ZNF462: variants seen among roughly 807,000 people sequenced by gnomAD.
ZNF462 encodes the protein zinc finger protein 462, also known as zinc finger PBX1-interacting protein.
In ZNF462, 10 loss-of-function variants were observed where a neutral mutation model predicts 201.9. The observed-to-expected ratio is 0.05, with a 90% CI of 0.03 to 0.08. The LOEUF is 0.08. ZNF462 is among the 10% of genes least tolerant of loss of function. ZNF462 has a pLI of 1.00. For missense variants in ZNF462, 2,523 were observed against 3,168.3 expected (o/e 0.80, Z 4.89); for synonymous variants, 1,227 against 1,193.3 (o/e 1.03, Z -0.58).
In ZNF462 at chr9:106,864,072, CT is replaced by C. The variant is rs1827194752; in HGVS notation, c.-31+718del. Among the ~76,000 whole-genome samples, 17 of 125,328 alleles carry C rather than the reference CT, an allele frequency of 1.4e-4. No individual in the cohort carries two copies. The South Asian group carries it at 3.3e-3, about 24-fold the overall frequency. 82.2% of individuals were successfully genotyped at this position (125,328 alleles called of 152,430 possible). On this transcript the variant is annotated intron_variant, in intron 1 of 12. Transcript: ENST00000277225. ...TCTCTCTCTCTCTCTCTCTCTCTCT[CT>C]CTCTCTCTCTCTCTCTCTCTCTCTC... is the stretch of plus-strand genomic sequence containing the variant.
At chr9:106,941,581 C>T (rs763297704) in intron 7 of ZNF462, among the ~76,000 whole-genome samples, 19 of 152,074 alleles carry the variant, frequency 1.2e-4, no homozygotes, top group Non-Finnish European at 2.4e-4. Context: ...TTTAGTGATC[C>T]GTACACAAAA....
At chr9:106,912,221 A>G (rs1423552124) in intron 1 of ZNF462, among the ~76,000 whole-genome samples, 1 of 151,268 alleles carries the variant, frequency 6.6e-6, no homozygotes, top group Non-Finnish European at 1.5e-5. Flanking sequence ...TTTGGCAGGC[A>G]TAAAGCTACT....
At chr9:106,893,555 C>G (rs1395325639) in intron 1 of ZNF462, among the ~76,000 whole-genome samples, 1 of 152,084 alleles carries the variant, frequency 6.6e-6, no homozygotes, top group Non-Finnish European at 1.5e-5. Context: ...ATAATTGTTT[C>G]CATTTGTCTT....
upstream of ZNF462, chr9:106,863,074 A>C (rs1827125631): frequency 2.6e-6 from 1 of 384,662 alleles, no homozygotes; most frequent in East Asian, 3.7e-5. Context: ...AAGAGGAGAG[A>C]GAGGGGAGAG....
At position 106,926,995 on chromosome 9, in the gene ZNF462, T is replaced by C; in HGVS notation, c.3083T>C (p.Val1028Ala). 3.7e-6 allele frequency: 6 copies of C among 1,614,180 alleles called. No homozygotes were observed. Among genetic ancestry groups the C allele is most frequent in the Non-Finnish European group, 5.1e-6 (6 of 1,180,028 alleles). ...AAGGACCCTTTGGTCAACACTGTTG[T>C]TGTTTATGATTGTGATGTTTGTTCG... Reference protein sequence around the residue: ...NQKDPLVNTVVVYDCDVCSFA... With the variant: ...NQKDPLVNTVAVYDCDVCSFA... Residue 1028 changes from valine to alanine, a missense_variant, in exon 3 of 13, where the codon GTT becomes GCT. Coordinates refer to ENST00000277225, the MANE Select transcript of ZNF462 (RefSeq NM_021224.6). This position sits in a 1 kb window ranked among gnomAD's most constrained non-coding sequence, Gnocchi z 7.9.
chr9:106,912,549 G>A lies in ZNF462; in HGVS notation c.-30-10805G>A, dbSNP rs180790106. 5.9e-5 allele frequency among the ~76,000 whole-genome samples: 9 copies of A among 152,322 alleles called. No homozygotes were observed. The East Asian group carries it at 1.5e-3, about 26-fold the overall frequency. On this transcript the variant is annotated intron_variant, in intron 1 of 12. Transcript: ENST00000277225. ...GGCATGGACCTTAAGTGTGAATACT[G>A]TTGAACAACTGACACGTATGGAATG...
At chr9:106,863,420 G>C (rs942149509) in intron 1 of ZNF462, 65 bp downstream of exon 1, 4 of 389,930 alleles carry the variant, frequency 1.0e-5, no homozygotes, top group African/African-American at 8.3e-5. Context: ...AGAGCGCGGG[G>C]TGGTGGAGGC....
intron 1 of ZNF462, among the ~76,000 whole-genome samples, chr9:106,911,170 G>A (rs1417651345): frequency 6.6e-6 from 1 of 152,156 alleles, no homozygotes. Flanking sequence ...TTCAAGACCA[G>A]TAATTGTCTT....
chr9:106,877,737 C>T (rs1302049878), intron 1 of ZNF462, among the ~76,000 whole-genome samples: 1 of 152,158 alleles, frequency 6.6e-6, no homozygotes, highest in East Asian at 1.9e-4. Flanking sequence ...CTAACTTTGT[C>T]CAGAGCTATT....
intron 1 of ZNF462, among the ~76,000 whole-genome samples, chr9:106,875,081 G>A (rs895759106): frequency 2.0e-5 from 3 of 152,154 alleles, no homozygotes; most frequent in African/African-American, 7.2e-5. Flanking sequence ...CCCCAGCATA[G>A]GTAAGTGTTA....
chr9:106,867,511 A>G (rs1433668197), intron 1 of ZNF462, among the ~76,000 whole-genome samples: 1 of 151,986 alleles, frequency 6.6e-6, no homozygotes, highest in African/African-American at 2.4e-5. Context: ...TAATTCATTG[A>G]CCATATTCCC....
intron 7 of ZNF462, among the ~76,000 whole-genome samples, chr9:106,947,775 G>GA (rs1831174221): frequency 6.6e-6 from 1 of 152,100 alleles, no homozygotes; most frequent in Admixed American, 6.6e-5. Context: ...CTGTGCCCTT[G>GA]AACTTTGTGC....
At chr9:106,910,362 G>GTTTTTTTTTTTTTT (rs1011376719) in intron 1 of ZNF462, among the ~76,000 whole-genome samples, 2 of 64,806 alleles carry the variant, frequency 3.1e-5, no homozygotes, top group African/African-American at 1.2e-4. Flanking sequence ...CCTTGTTTTA[G>GTTTTTTTTTTTTTT]TTTTTTTTTT....
rs773188384 is a variant in ZNF462 at position 106,933,112 on chromosome 9, T to G, written c.6116+563T>G. On this transcript the variant is annotated intron_variant, in intron 5 of 12. Coordinates refer to ENST00000277225, the MANE Select transcript of ZNF462 (RefSeq NM_021224.6). This position sits in a 1 kb window ranked among gnomAD's most constrained non-coding sequence, Gnocchi z 4.3. ...TAAATATGGAATAGGTGTGTAAGGC[T>G]TTTTGGGGCCATGGAAAGAGGGGTG... 2 of 157,782 alleles carry G rather than the reference T, an allele frequency of 1.3e-5. No individual in the cohort carries two copies. Among genetic ancestry groups the G allele is most frequent in the Non-Finnish European group, 2.8e-5 (2 of 71,092 alleles). 9.8% of individuals were successfully genotyped at this position (157,782 alleles called of 1,614,324 possible). A position where few individuals can be genotyped will look rare whatever the true frequency, so the allele number is the denominator to read the frequency against.
chr9:106,864,050 C>G (rs1380465708), intron 1 of ZNF462, among the ~76,000 whole-genome samples: 2 of 48,548 alleles, frequency 4.1e-5, no homozygotes, highest in East Asian at 5.1e-4. Flanking sequence ...CTCTCTCTCT[C>G]TCTCTCTCTC....
chr9:106,924,620 G>C lies in ZNF462; in HGVS notation c.708G>C (p.Leu236Phe). The C allele has an allele frequency of 6.2e-7, 1 of 1,614,134 alleles. No homozygotes were observed. Residue 236 changes from leucine to phenylalanine, a missense_variant, in exon 3 of 13, where the codon TTG (leucine) becomes TTC (phenylalanine). Around this residue, in one of 15 missense-constraint regions of ZNF462, gnomAD observed 480 missense variants for 544.4 expected, o/e 0.88. Transcript: ENST00000277225. The surrounding 1 kb of genome is among the most constrained non-coding windows in gnomAD (Gnocchi z 6.2). Reference protein sequence around the residue: ...RSILESMVKPLTKSRGNFCCE... With the variant: ...RSILESMVKPFTKSRGNFCCE... ...TCTTAGAGTCTATGGTCAAGCCTTT[G>C]ACCAAATCTCGAGGCAACTTTTGTT...
In ZNF462 at chr9:106,933,994, G is replaced by A. The variant is rs1830526120; in HGVS notation, c.6116+1445G>A. On this transcript the variant is annotated intron_variant, in intron 5 of 12. Transcript: ENST00000277225. The surrounding 1 kb of genome is among the most constrained non-coding windows in gnomAD (Gnocchi z 4.3). ...CCATATTTGGAGTTTTAAATGCCAG[G>A]AAATAGTATTTCATAATTTAAATTG... Among the ~76,000 whole-genome samples the A allele has an allele frequency of 6.6e-6, 1 of 152,138 alleles. No individual in the cohort carries two copies. Among genetic ancestry groups the A allele is most frequent in the African/African-American group, 2.4e-5 (1 of 41,420 alleles).
rs746412150 is a variant in ZNF462, at chr9:107,009,364, G to A, written c.7190-181G>A. The A allele has an allele frequency of 3.0e-5, 22 of 724,048 alleles. 1 individual carries two copies. In the South Asian group the frequency reaches 4.1e-4, roughly 13 times the overall value. 44.9% of individuals were successfully genotyped at this position (724,048 alleles called of 1,614,324 possible). A position where few individuals can be genotyped will look rare whatever the true frequency, so the allele number is the denominator to read the frequency against. The stretch of plus-strand genomic sequence containing the variant: ...GGCCCAAGAACCAGAAACAGTTCTC[G>A]AATGCTATTCAAGGAATGCCCTAAG... On this transcript the variant is annotated intron_variant, in intron 11 of 12. Transcript: ENST00000277225. The surrounding 1 kb of genome is among the most constrained non-coding windows in gnomAD (Gnocchi z 6.1).
In ZNF462 at chr9:106,924,694, A is replaced by C. The variant is rs371967623; in HGVS notation, c.782A>C (p.His261Pro). Residue 261 changes from histidine to proline, a missense_variant, in exon 3 of 13, where the codon CAC (histidine) becomes CCC (proline). Physicochemically the swap from His to Pro is moderately conservative, Grantham distance 77 (BLOSUM62 -2). This residue lies in a region of ZNF462 where 480 missense variants were observed against 544.4 expected (regional missense o/e 0.88). Transcript: ENST00000277225. The surrounding 1 kb of genome is among the most constrained non-coding windows in gnomAD (Gnocchi z 6.2). ...CCCCGCCGAGAACGCTGGTGTGACC[A>C]CATGATGAAGAAACACCGCAGTATG... The part of the protein sequence containing the change: ...QTPRRERWCD[H>P]MMKKHRSMVK... 1 of 1,614,138 alleles carries C rather than the reference A, an allele frequency of 6.2e-7. No individual in the cohort carries two copies. The highest frequency in any genetic ancestry group is 8.5e-7 in the Non-Finnish European group (1 of 1,180,018).
Sources: gnomAD v4.1 joint callset for allele counts (sites outside exome capture counted in the v4.1 genomes callset) on GRCh38, gnomAD v4.1.1 for gene constraint, gnomAD v4.1.1 regional missense constraint, Gnocchi (gnomAD v3.1) non-coding constraint, MANE v1.5 for transcripts, NCBI Gene and HGNC (gene_info 2026-07-23, HGNC 2026-07-21) for gene names.